TRPM3: variants seen among roughly 807,000 people sequenced by gnomAD.
The protein encoded by TRPM3 is transient receptor potential cation channel subfamily M member 3, also known as long transient receptor potential channel 3.
In TRPM3, 77 loss-of-function variants were observed where a neutral mutation model predicts 181.2. The observed-to-expected ratio is 0.42, with a 90% CI of 0.35 to 0.51. The LOEUF (loss-of-function observed/expected upper bound fraction) is 0.51, where lower values mean the gene tolerates loss of function less well. Among genes scored for constraint, TRPM3 ranks in the 20% least tolerant of loss-of-function variants. The probability of loss-of-function intolerance (pLI) is 0.01; values close to 1 mark genes in which losing one functional copy is unlikely to be tolerated. For synonymous variants in TRPM3, 745 were observed against 796.4 expected, an observed-to-expected ratio of 0.94 and a Z score of 1.09; for missense variants, 1,759 against 2,196.7, an observed-to-expected ratio of 0.80 and a Z score of 3.98.
intron 1 of TRPM3, among the ~76,000 whole-genome samples, chr9:71,176,054 T>C (rs2077091242): frequency 6.6e-6 from 1 of 152,174 alleles, no homozygotes; most frequent in South Asian, 2.1e-4. Context: ...GACCCTATGA[T>C]GACATACGGT....
chr9:70,609,665 G>C (rs993346967), intron 19 of TRPM3, among the ~76,000 whole-genome samples: 3 of 152,228 alleles, frequency 2.0e-5, no homozygotes, highest in African/African-American at 7.2e-5. Flanking sequence ...TAGCACTGAA[G>C]TAGAGAAACC....
At chr9:70,993,214 G>C (rs935854640) in intron 1 of TRPM3, among the ~76,000 whole-genome samples, 1 of 152,076 alleles carries the variant, frequency 6.6e-6, no homozygotes, top group South Asian at 2.1e-4. Context: ...AATTTTATCT[G>C]TATTTCATAA....
At chr9:70,835,396 A>G (rs1035116744) in intron 5 of TRPM3, among the ~76,000 whole-genome samples, 1 of 152,030 alleles carries the variant, frequency 6.6e-6, no homozygotes, top group Non-Finnish European at 1.5e-5. Context: ...AGGCTTCGAA[A>G]TGTGTCTTCT....
chr9:71,055,752 G>C (rs2060587939), intron 1 of TRPM3, among the ~76,000 whole-genome samples: 1 of 151,964 alleles, frequency 6.6e-6, no homozygotes, highest in South Asian at 2.1e-4. Context: ...TTCAATGTTA[G>C]TGTATCTTTC....
intron 1 of TRPM3, among the ~76,000 whole-genome samples, chr9:71,187,148 C>T (rs557050128): frequency 1.3e-5 from 2 of 152,054 alleles, no homozygotes; most frequent in Admixed American, 6.6e-5. Context: ...ATCTTTTTAA[C>T]AGTACTCAAT....
At chr9:71,420,768 AG>A (rs1453405692) in intron 1 of TRPM3, among the ~76,000 whole-genome samples, 1 of 38,408 alleles carries the variant, frequency 2.6e-5, no homozygotes, top group Non-Finnish European at 6.1e-5. Flanking sequence ...AGAGAGAGAA[AG>A]AGAGAGAAAG....
At chr9:70,690,282 G>A (rs12351403) in intron 8 of TRPM3, among the ~76,000 whole-genome samples, 7 of 152,106 alleles carry the variant, frequency 4.6e-5, no homozygotes, top group East Asian at 1.9e-4. Flanking sequence ...ATAGCTATAC[G>A]ATAGATAATC....
chr9:70,677,021 A>C (rs2064173401), intron 9 of TRPM3, among the ~76,000 whole-genome samples: 1 of 146,702 alleles, frequency 6.8e-6, no homozygotes, highest in African/African-American at 2.5e-5. Flanking sequence ...ATTCCAGAAG[A>C]GATCTATCTC....
At chr9:71,405,186 C>T (rs1204053697) in intron 1 of TRPM3, among the ~76,000 whole-genome samples, 1 of 152,158 alleles carries the variant, frequency 6.6e-6, no homozygotes, top group African/African-American at 2.4e-5. Context: ...TATTCCTTGT[C>T]TGTCTTCATC....
intron 19 of TRPM3, among the ~76,000 whole-genome samples, chr9:70,608,963 G>C (rs1415349406): frequency 6.6e-6 from 1 of 152,102 alleles, no homozygotes; most frequent in Non-Finnish European, 1.5e-5. Context: ...TATTATTTTT[G>C]TTGAGTGGAT....
In TRPM3 at chr9:70,531,159, T is replaced by C. The variant is rs375280192; in HGVS notation, c.*4794A>G. On this transcript the variant is annotated 3_prime_UTR_variant, in exon 26 of 26. Transcript: ENST00000677713. ...GTAGCTCTGAAGAATCAGAAATGTG[T>C]CTTGCATATATCACAGATGCACAAC... is the stretch of plus-strand genomic sequence containing the variant. The C allele has an allele frequency of 3.9e-5, 6 of 152,342 alleles. No homozygotes were observed. Among genetic ancestry groups the C allele is most frequent in the Admixed American group, 2.6e-4 (4 of 15,300 alleles). 9.4% of individuals were successfully genotyped at this position (152,342 alleles called of 1,614,324 possible). A position where few individuals can be genotyped will look rare whatever the true frequency, so the allele number is the denominator to read the frequency against.
intron 1 of TRPM3, among the ~76,000 whole-genome samples, chr9:71,137,055 G>A (rs1445259934): frequency 6.6e-6 from 1 of 152,126 alleles, no homozygotes; most frequent in East Asian, 1.9e-4. Context: ...CTAGTACAAG[G>A]AAAGCAAACC....
intron 1 of TRPM3, among the ~76,000 whole-genome samples, chr9:71,298,058 G>A (rs1275235062): frequency 1.3e-5 from 2 of 151,762 alleles, no homozygotes; most frequent in Admixed American, 1.3e-4. Flanking sequence ...GTGGGAAGGT[G>A]AGTAGTCCAC....
chr9:70,612,997 C>T (rs1302142158), intron 18 of TRPM3, among the ~76,000 whole-genome samples: 4 of 152,222 alleles, frequency 2.6e-5, no homozygotes, highest in Middle Eastern at 3.4e-3. Flanking sequence ...GGTCTGTGGA[C>T]TTGTGGGGAC....
At chr9:71,399,927 C>A (rs1222048753) in intron 1 of TRPM3, among the ~76,000 whole-genome samples, 1 of 152,020 alleles carries the variant, frequency 6.6e-6, no homozygotes. Context: ...AAAATCCTGG[C>A]CTGGGTGTCA....
chr9:70,937,783 C>T (rs1359836594), intron 1 of TRPM3, among the ~76,000 whole-genome samples: 3 of 149,220 alleles, frequency 2.0e-5, no homozygotes, highest in African/African-American at 7.4e-5. Context: ...AGAGCTCTAG[C>T]AATGACACTC....
chr9:70,935,451 A>G (rs998168677), intron 1 of TRPM3, among the ~76,000 whole-genome samples: 1 of 152,230 alleles, frequency 6.6e-6, no homozygotes, highest in Non-Finnish European at 1.5e-5. Flanking sequence ...GCTGACCTGC[A>G]TAATTACCTA....
At chr9:70,803,031 TGTAAAAAAAAAAAA>T (rs1167356840) in intron 6 of TRPM3, among the ~76,000 whole-genome samples, 1 of 63,218 alleles carries the variant, frequency 1.6e-5, no homozygotes, top group African/African-American at 5.6e-5. Context: ...GGAGAAATTT[TGTAAAAAAAAAAAA>T]AAAAAAAAAA....
At chr9:71,338,498 G>C (rs796112412) in intron 1 of TRPM3, among the ~76,000 whole-genome samples, 14 of 152,252 alleles carry the variant, frequency 9.2e-5, no homozygotes, top group African/African-American at 3.4e-4. Context: ...TTTAGAATTA[G>C]TGGACAAGAA....
Sources: gnomAD v4.1 joint callset for allele counts (sites outside exome capture counted in the v4.1 genomes callset) on GRCh38, gnomAD v4.1.1 for gene constraint, MANE v1.5 for transcripts, NCBI Gene and HGNC (gene_info 2026-07-23, HGNC 2026-07-21) for gene names.